Variants in DPPA2 observed in about 807,000 individuals in gnomAD.
DPPA2 encodes the protein developmental pluripotency-associated protein 2.
A neutral mutation model predicts 36.2 loss-of-function variants in DPPA2; 26 were observed. The observed-to-expected ratio is 0.72, with a 90% confidence interval of 0.53 to 1.00. The LOEUF (loss-of-function observed/expected upper bound fraction) is 1.00, where lower values mean the gene tolerates loss of function less well. Ranked by LOEUF, DPPA2 falls within the 50% of genes least tolerant of loss-of-function variation. The pLI is 0.00. For missense variants in DPPA2, 361 were observed against 365.1 expected (o/e 0.99, Z 0.09); for synonymous variants, 113 against 123.2 (o/e 0.92, Z 0.55).
chr3:109,312,881 C>A (rs112237950), intron 2 of DPPA2, among the ~76,000 whole-genome samples, 189 bp from the exon 3 acceptor site: 2 of 152,050 alleles, frequency 1.3e-5, no homozygotes, highest in South Asian at 2.1e-4. Context: ...TGGAAAAAAA[C>A]GGGCAAAAGC....
At chr3:109,298,609 G>A (rs942290976) in intron 8 of DPPA2, among the ~76,000 whole-genome samples, 1 of 151,496 alleles carries the variant, frequency 6.6e-6, no homozygotes, top group Non-Finnish European at 1.5e-5. Context: ...CCAGCTACTC[G>A]GAAGGCTGAG....
intron 3 of DPPA2, among the ~76,000 whole-genome samples, chr3:109,310,228 C>CAA (rs1183674663): frequency 1.9e-4 from 9 of 46,940 alleles, no homozygotes; most frequent in African/African-American, 4.6e-4. Context: ...AACTCCGTCT[C>CAA]AAAAAAAAAA....
chr3:109,308,608 C>T (rs375065859), intron 5 of DPPA2, among the ~76,000 whole-genome samples: 128 of 152,264 alleles, frequency 8.4e-4, no homozygotes, highest in South Asian at 2.9e-3. Flanking sequence ...GTAATCCACC[C>T]GCCTCGGCCT....
At chr3:109,297,831 G>A (rs892518989) in intron 8 of DPPA2, among the ~76,000 whole-genome samples, 1 of 152,304 alleles carries the variant, frequency 6.6e-6, no homozygotes, top group South Asian at 2.1e-4. Context: ...GATAGGCCAG[G>A]CACACTGGCT....
intron 3 of DPPA2, among the ~76,000 whole-genome samples, chr3:109,310,965 A>G (rs1011292009): frequency 6.6e-6 from 1 of 151,702 alleles, no homozygotes; most frequent in Admixed American, 6.6e-5. Context: ...CCATGCCTGG[A>G]TAATGTTTGT....
intron 6 of DPPA2, among the ~76,000 whole-genome samples, chr3:109,305,994 G>A (rs1707556501): frequency 6.6e-6 from 1 of 152,136 alleles, no homozygotes; most frequent in African/African-American, 2.4e-5. Flanking sequence ...TAATTAAGGA[G>A]ACGGGATATT....
intron 8 of DPPA2, 53 bp from the exon 9 acceptor site, chr3:109,294,057 G>A (rs2107295995): frequency 6.6e-6 from 1 of 152,280 alleles, no homozygotes; most frequent in Admixed American, 6.5e-5. Context: ...GCTATACGCA[G>A]AGTTTGGGGT....
Position 109,310,242 on chromosome 3 carries a change from A to AAG in DPPA2, c.182-913_182-912insCT, listed in dbSNP as rs1553694415. Reference sequence around the variant, plus strand: ...AAACTCCGTCTCAAAAAAAAAAAAAAAAAAGAAAAATTACCTGGGCATGGG... The same window carrying AAG: ...AAACTCCGTCTCAAAAAAAAAAAAAAAGAAAAGAAAAATTACCTGGGCATGGG... On this transcript the variant is annotated intron_variant, in intron 3 of 8. Coordinates refer to ENST00000478945, the MANE Select transcript of DPPA2 (RefSeq NM_138815.4). Among the ~76,000 whole-genome samples, 287 of 141,914 alleles carry AAG rather than the reference A, an allele frequency of 2.0e-3. 2 individuals carry two copies. The highest frequency in any genetic ancestry group is 8.3e-3 in the South Asian group (37 of 4,460). The allele number at this position is 141,914 out of a possible 152,430, so 93.1% of individuals were successfully genotyped here.
At chr3:109,297,518 G>A (rs995377180) in intron 8 of DPPA2, among the ~76,000 whole-genome samples, 2 of 151,008 alleles carry the variant, frequency 1.3e-5, no homozygotes, top group Non-Finnish European at 3.0e-5. Context: ...CACTCTCTGA[G>A]AGAGTCTGTC....
chr3:109,300,985 CT>C (rs36123123), intron 7 of DPPA2, among the ~76,000 whole-genome samples: 544 of 139,040 alleles, frequency 3.9e-3, no homozygotes, highest in Admixed American at 4.8e-3. Flanking sequence ...GATCTCACAT[CT>C]TTTTTTTTTT....
chr3:109,312,263 G>A (rs140194551), intron 3 of DPPA2, among the ~76,000 whole-genome samples: 102 of 152,308 alleles, frequency 6.7e-4, no homozygotes, highest in African/African-American at 2.2e-3. Context: ...GAGCTCAGAA[G>A]GCGGAGGTTG....
At chr3:109,301,290 T>C (rs1044574939) in intron 7 of DPPA2, among the ~76,000 whole-genome samples, 2 of 152,076 alleles carry the variant, frequency 1.3e-5, no homozygotes, top group African/African-American at 4.8e-5. Context: ...CCTTCATCTT[T>C]ATACTCTCCA....
intron 6 of DPPA2, 142 bp from the exon 7 acceptor site, chr3:109,304,812 C>T: frequency 1.2e-6 from 1 of 806,706 alleles, no homozygotes; most frequent in Non-Finnish European, 1.9e-6. Context: ...GACCACATGA[C>T]ACTATGATCT....
At position 109,311,763 on chromosome 3, in the gene DPPA2, G is replaced by GA. The variant is rs200925043; in HGVS notation, c.181+781dup. On this transcript the variant is annotated intron_variant, in intron 3 of 8. Transcript: ENST00000478945. ...CTCCAGAAAAATTTAAAAAAAAAAA[G>GA]AAAAAAAACACTTATTTGATGCTTT... Among the ~76,000 whole-genome samples the GA allele has an allele frequency of 7.2e-3, 1,087 of 150,258 alleles. 10 individuals are homozygous for GA. The highest frequency in any genetic ancestry group is 0.025 in the African/African-American group (1,022 of 40,854).
At chr3:109,311,672 G>A (rs538745925) in intron 3 of DPPA2, among the ~76,000 whole-genome samples, 6 of 151,778 alleles carry the variant, frequency 4.0e-5, no homozygotes, top group South Asian at 4.2e-4. Flanking sequence ...CCCAGGAGGC[G>A]GAGGTTGCAG....
At chr3:109,300,350 T>G (rs1180445721) in intron 8 of DPPA2, 21 bp downstream of exon 8, 5 of 1,572,464 alleles carry the variant, frequency 3.2e-6, no homozygotes, top group Non-Finnish European at 4.4e-6. Flanking sequence ...TATTTTGAGG[T>G]GGCATATTCT....
At chr3:109,298,947 G>T (rs1194603882) in intron 8 of DPPA2, among the ~76,000 whole-genome samples, 2 of 152,072 alleles carry the variant, frequency 1.3e-5, no homozygotes, top group Non-Finnish European at 2.9e-5. Context: ...TTGGGAGGCT[G>T]AGGTGAGAGG....
intron 7 of DPPA2, among the ~76,000 whole-genome samples, chr3:109,301,670 A>G (rs1184370957): frequency 4.3e-5 from 2 of 46,560 alleles, no homozygotes; most frequent in African/African-American, 5.4e-5. Flanking sequence ...AAAAAATTTA[A>G]AAAGGAAAAG....
intron 5 of DPPA2, among the ~76,000 whole-genome samples, chr3:109,308,627 G>A (rs138381799): frequency 0.02 from 3,080 of 152,338 alleles, 41 homozygotes; most frequent in Middle Eastern, 0.037. Context: ...CTCCCAAAGT[G>A]CTGGGATTAC....
Sources: gnomAD v4.1 joint callset for allele counts (sites outside exome capture counted in the v4.1 genomes callset) on GRCh38, gnomAD v4.1.1 for gene constraint, MANE v1.5 for transcripts, NCBI Gene and HGNC (gene_info 2026-07-23, HGNC 2026-07-21) for gene names.